SORCS1: variants seen among roughly 807,000 people sequenced by gnomAD.
SORCS1 encodes the protein VPS10 domain-containing receptor SorCS1.
SORCS1 carries 60 observed loss-of-function variants against 146.1 expected under a neutral mutation model. The ratio of observed to expected loss-of-function variants is 0.41; its 90% CI spans 0.33 to 0.51. The LOEUF is 0.51. Among genes scored for constraint, SORCS1 ranks in the 20% least tolerant of loss-of-function variants. The pLI is 0.21. For synonymous variants in SORCS1, 637 were observed against 584.0 expected (o/e 1.09, Z -1.31); for missense variants, 1,352 against 1,487.6 (o/e 0.91, Z 1.50).
intron 1 of SORCS1, among the ~76,000 whole-genome samples, chr10:106,997,472 T>C (rs144878719): frequency 2.4e-3 from 368 of 152,278 alleles, no homozygotes; most frequent in African/African-American, 8.7e-3. Context: ...TACAGAACAA[T>C]TCTCCCCAAC....
intron 2 of SORCS1, among the ~76,000 whole-genome samples, chr10:106,885,574 T>C (rs961783487): frequency 6.6e-6 from 1 of 152,156 alleles, no homozygotes; most frequent in Non-Finnish European, 1.5e-5. Context: ...TGGAGGACAG[T>C]GAAGGAACAG....
rs533239114 is a variant in SORCS1 at position 106,673,118 on chromosome 10, G to A, written c.1941-133C>T. The A allele has an allele frequency of 8.8e-4, 560 of 638,494 alleles. 2 individuals carry two copies. The highest frequency in any genetic ancestry group is 1.3e-3 in the Non-Finnish European group (488 of 387,174). 39.6% of individuals were successfully genotyped at this position (638,494 alleles called of 1,614,324 possible). ...AATCATATCATTTAATCCTCAAAAC[G>A]CATTCATGAAGAGGGTACTTTTTTT... On this transcript the variant is annotated intron_variant, in intron 14 of 25. Coordinates refer to ENST00000263054, the MANE Select transcript of SORCS1 (RefSeq NM_052918.5).
chr10:106,699,682 A>G (rs1853984806), intron 8 of SORCS1, among the ~76,000 whole-genome samples: 1 of 152,214 alleles, frequency 6.6e-6, no homozygotes, highest in East Asian at 1.9e-4. Context: ...TTAAATATGT[A>G]TGATTCGGAG....
At chr10:107,117,000 A>G (rs1966083515) in intron 1 of SORCS1, among the ~76,000 whole-genome samples, 1 of 152,172 alleles carries the variant, frequency 6.6e-6, no homozygotes. Flanking sequence ...TTGATATCCA[A>G]ATTTGTCAGA....
intron 2 of SORCS1, among the ~76,000 whole-genome samples, chr10:106,921,667 C>T (rs76587122): frequency 0.026 from 3,961 of 152,240 alleles, 117 homozygotes; most frequent in African/African-American, 0.072. Context: ...GCCTTGGAAC[C>T]ATGACATCCA....
intron 1 of SORCS1, among the ~76,000 whole-genome samples, chr10:106,970,334 C>CTTTTTTTTTTTTTTTTTTT (rs1955712671): frequency 1.4e-5 from 1 of 73,622 alleles, no homozygotes; most frequent in African/African-American, 6.5e-5. Flanking sequence ...TAACCAACAT[C>CTTTTTTTTTTTTTTTTTTT]TCTTTTTTTT....
At chr10:106,681,269 T>C (rs548316029) in intron 10 of SORCS1, among the ~76,000 whole-genome samples, 5 of 152,304 alleles carry the variant, frequency 3.3e-5, no homozygotes, top group South Asian at 2.1e-4. Context: ...CAGTTTTCCA[T>C]GAAAGTCTTC....
chr10:107,066,169 T>A (rs1230802623), intron 1 of SORCS1, among the ~76,000 whole-genome samples: 1 of 152,128 alleles, frequency 6.6e-6, no homozygotes, highest in Non-Finnish European at 1.5e-5. Context: ...CTTTTCTCAT[T>A]TGGTCTGGAA....
chr10:106,968,221 G>A (rs368528117), intron 1 of SORCS1, among the ~76,000 whole-genome samples: 1 of 151,900 alleles, frequency 6.6e-6, no homozygotes, highest in Non-Finnish European at 1.5e-5. Context: ...AAAAAAAAGA[G>A]AAAAGATGTA....
chr10:106,627,949 C>T (rs1848208459), intron 19 of SORCS1, among the ~76,000 whole-genome samples: 1 of 152,206 alleles, frequency 6.6e-6, no homozygotes, highest in Non-Finnish European at 1.5e-5. Flanking sequence ...TGAACCTCAA[C>T]ACTTTTTGTA....
intron 1 of SORCS1, among the ~76,000 whole-genome samples, chr10:107,084,298 T>G (rs11814359): frequency 1.2e-4 from 18 of 150,106 alleles, no homozygotes; most frequent in Non-Finnish European, 2.5e-4. Context: ...AGTAGAGATG[T>G]GGTTTCACCG....
chr10:106,957,932 T>C (rs1374968221), intron 1 of SORCS1, among the ~76,000 whole-genome samples: 1 of 152,218 alleles, frequency 6.6e-6, no homozygotes, highest in Non-Finnish European at 1.5e-5. Context: ...AGATTCCGTC[T>C]ATGAGTCCGT....
chr10:106,855,013 T>C (rs959418925), intron 2 of SORCS1, among the ~76,000 whole-genome samples: 2 of 152,176 alleles, frequency 1.3e-5, no homozygotes, highest in Admixed American at 6.5e-5. Context: ...ATTTTCCTTC[T>C]CTCTGAAGAA....
At chr10:106,648,131 G>C (rs917783991) in intron 18 of SORCS1, among the ~76,000 whole-genome samples, 2 of 151,966 alleles carry the variant, frequency 1.3e-5, no homozygotes, top group African/African-American at 4.8e-5. Context: ...CAAAATGTTG[G>C]GATCCACCGC....
chr10:106,918,262 G>A (rs780038558), intron 2 of SORCS1, among the ~76,000 whole-genome samples: 6 of 152,100 alleles, frequency 3.9e-5, no homozygotes, highest in Admixed American at 1.3e-4. Flanking sequence ...CCTGGTTCAC[G>A]CCATTCTCCT....
At chr10:106,996,010 G>A (rs980503663) in intron 1 of SORCS1, among the ~76,000 whole-genome samples, 2 of 151,852 alleles carry the variant, frequency 1.3e-5, no homozygotes, top group African/African-American at 4.8e-5. Flanking sequence ...GGGTAGATCA[G>A]GACCACCCTG....
chr10:106,910,323 A>G (rs1378139202), intron 2 of SORCS1, among the ~76,000 whole-genome samples: 1 of 104,836 alleles, frequency 9.5e-6, no homozygotes, highest in South Asian at 2.7e-4. Flanking sequence ...GTGAGACAGT[A>G]TATATATATA....
Position 106,672,988 on chromosome 10 carries a change from A to G in SORCS1, c.1941-3T>C. 6.2e-7 allele frequency: 1 copy of G among 1,610,458 alleles called. No homozygotes were observed. The highest frequency in any genetic ancestry group is 8.5e-7 in the Non-Finnish European group (1 of 1,176,786). ...GGTGGCTGAAGTGTCCAAACACTCT[A>G]CAGAGTTCATGGTGATAAAAATAAT... On this transcript the variant is annotated splice_polypyrimidine_tract_variant and splice_region_variant and intron_variant, in intron 14 of 25. Coordinates refer to ENST00000263054, the MANE Select transcript of SORCS1 (RefSeq NM_052918.5).
intron 4 of SORCS1, among the ~76,000 whole-genome samples, chr10:106,763,898 G>A (rs899868598): frequency 2.0e-5 from 3 of 152,298 alleles, no homozygotes; most frequent in South Asian, 2.1e-4. Context: ...AGATTGCAAA[G>A]CTTTTAGATG....
Sources: gnomAD v4.1 joint callset for allele counts (sites outside exome capture counted in the v4.1 genomes callset) on GRCh38, gnomAD v4.1.1 for gene constraint, MANE v1.5 for transcripts, NCBI Gene and HGNC (gene_info 2026-07-23, HGNC 2026-07-21) for gene names.